The following KCNAB1 variants were observed in gnomAD, a reference collection of about 807,000 sequenced individuals.
The protein encoded by KCNAB1 is potassium voltage-gated channel subfamily A regulatory beta subunit 1, also known as voltage-gated potassium channel subunit beta-1.
KCNAB1 carries 35 observed loss-of-function variants against 64.6 expected under a neutral mutation model. That is an observed-to-expected ratio of 0.54 (90% CI 0.41 to 0.72). The LOEUF is 0.72. KCNAB1 is among the 30% of genes least tolerant of loss of function. KCNAB1 has a pLI of 0.00. For missense variants in KCNAB1, 401 were observed against 512.9 expected, an observed-to-expected ratio of 0.78 and a Z score of 2.11; for synonymous variants, 177 against 183.8, an observed-to-expected ratio of 0.96 and a Z score of 0.30.
rs186830421 is a variant in KCNAB1, at chr3:156,148,585, C to G, written c.275+27699C>G. On this transcript the variant is annotated intron_variant, in intron 1 of 13. Transcript: ENST00000490337. ...TGTAAAATGGGCCTAATTTAACTTA[C>G]TTCACAATGGCATTATAAGAAATCC... Among the ~76,000 whole-genome samples the G allele has an allele frequency of 2.2e-3, 332 of 152,334 alleles. 1 individual carries two copies. The highest frequency in any genetic ancestry group is 7.3e-3 in the African/African-American group (305 of 41,572).
chr3:156,147,405 A>G (rs758585652), intron 1 of KCNAB1, among the ~76,000 whole-genome samples: 2 of 152,228 alleles, frequency 1.3e-5, no homozygotes, highest in African/African-American at 4.8e-5. Context: ...TAATATTACT[A>G]TCATATCAAA....
intron 1 of KCNAB1, among the ~76,000 whole-genome samples, chr3:156,307,108 G>T (rs897503404): frequency 6.6e-6 from 1 of 152,174 alleles, no homozygotes; most frequent in Non-Finnish European, 1.5e-5. Context: ...ACCTAAGTTT[G>T]TGACCTAAGA....
chr3:156,271,273 T>C (rs939856250), intron 1 of KCNAB1, among the ~76,000 whole-genome samples: 8 of 152,192 alleles, frequency 5.3e-5, no homozygotes, highest in African/African-American at 1.9e-4. Flanking sequence ...TAAATACACT[T>C]TCCACCCCTA....
In KCNAB1 at chr3:156,500,358, G is replaced by A. The variant is rs116288387; in HGVS notation, c.659-14006G>A. ...GAAGCACCATGTGACTGCATTTCCA[G>A]TGACATGAGCAGATAAATCTTTTAC... On this transcript the variant is annotated intron_variant, in intron 8 of 13. Coordinates refer to ENST00000490337, the MANE Select transcript of KCNAB1 (RefSeq NM_172160.3). Among the ~76,000 whole-genome samples the A allele has an allele frequency of 3.2e-3, 482 of 152,232 alleles. 2 individuals carry two copies. Among genetic ancestry groups the A allele is most frequent in the African/African-American group, 0.011 (465 of 41,540 alleles).
intron 1 of KCNAB1, among the ~76,000 whole-genome samples, chr3:156,233,830 G>A (rs761545356): frequency 5.3e-5 from 8 of 152,012 alleles, no homozygotes; most frequent in Admixed American, 1.3e-4. Flanking sequence ...TGGCTGCAGC[G>A]TTTGGAACCT....
intron 1 of KCNAB1, among the ~76,000 whole-genome samples, chr3:156,218,786 C>CAAAAAAAAAAAAAAA (rs1228783831): frequency 1.1e-5 from 1 of 92,636 alleles, no homozygotes. Flanking sequence ...CCCAGAACAG[C>CAAAAAAAAAAAAAAA]AAAAAAAAAA....
intron 1 of KCNAB1, among the ~76,000 whole-genome samples, chr3:156,185,698 A>T (rs1283925856): frequency 6.6e-6 from 1 of 152,040 alleles, no homozygotes; most frequent in Non-Finnish European, 1.5e-5. Flanking sequence ...GTTTGTACAG[A>T]TTTCCCTCAG....
chr3:156,489,351 G>T (rs973282011), intron 8 of KCNAB1, among the ~76,000 whole-genome samples: 4 of 152,112 alleles, frequency 2.6e-5, no homozygotes, highest in Non-Finnish European at 5.9e-5. Context: ...ACATCAAAGA[G>T]GAAGAAGGGA....
At chr3:156,497,603 A>G (rs1444975966) in intron 8 of KCNAB1, among the ~76,000 whole-genome samples, 1 of 152,258 alleles carries the variant, frequency 6.6e-6, no homozygotes, top group Non-Finnish European at 1.5e-5. Context: ...AATAAGGATG[A>G]CATTTACACA....
At chr3:156,461,081 T>G (rs1432753357) in intron 5 of KCNAB1, among the ~76,000 whole-genome samples, 1 of 151,844 alleles carries the variant, frequency 6.6e-6, no homozygotes. Flanking sequence ...ACATTCATGT[T>G]CCCACTCAGT....
At chr3:156,315,745 A>G (rs1722232593) in intron 1 of KCNAB1, among the ~76,000 whole-genome samples, 1 of 152,236 alleles carries the variant, frequency 6.6e-6, no homozygotes. Context: ...TATCTATATT[A>G]TCATATTCTC....
At chr3:156,202,747 C>A (rs1300843183) in intron 1 of KCNAB1, among the ~76,000 whole-genome samples, 1 of 151,888 alleles carries the variant, frequency 6.6e-6, no homozygotes, top group African/African-American at 2.4e-5. Context: ...CCTACTGTGC[C>A]AGTGGTATTA....
rs1367780136 is a variant in KCNAB1, at chr3:156,213,489, C to T, written c.275+92603C>T. Reference sequence around the variant, plus strand: ...TTAGCCTGCCAAAGTGCTCAGATTACAGGAATGAGCCACCTTGCTCAGCCT... The same window carrying T: ...TTAGCCTGCCAAAGTGCTCAGATTATAGGAATGAGCCACCTTGCTCAGCCT... On this transcript the variant is annotated intron_variant, in intron 1 of 13. Coordinates refer to ENST00000490337, the MANE Select transcript of KCNAB1 (RefSeq NM_172160.3). Among the ~76,000 whole-genome samples the T allele has an allele frequency of 2.0e-5, 3 of 152,212 alleles. No individual in the cohort carries two copies. In the East Asian group the frequency reaches 5.8e-4, roughly 29 times the overall value.
upstream of KCNAB1, chr3:156,118,342 A>G (rs1713171846): frequency 2.2e-6 from 1 of 455,396 alleles, no homozygotes. Context: ...ATGTTAAGGT[A>G]ATCAGGTTCC....
intron 1 of KCNAB1, among the ~76,000 whole-genome samples, chr3:156,338,302 A>ATTTTTTT (rs1723857966): frequency 5.8e-5 from 1 of 17,298 alleles, no homozygotes; most frequent in Non-Finnish European, 1.2e-4. Context: ...TGGCATTTGC[A>ATTTTTTT]CTTTTTTTTT....
intron 1 of KCNAB1, among the ~76,000 whole-genome samples, chr3:156,179,243 G>C (rs1216147781): frequency 1.3e-5 from 2 of 151,942 alleles, no homozygotes; most frequent in Non-Finnish European, 2.9e-5. Context: ...AAAGATTTAA[G>C]AAAAGGGTTT....
chr3:156,380,929 C>T (rs1712107020), intron 1 of KCNAB1, among the ~76,000 whole-genome samples: 2 of 151,954 alleles, frequency 1.3e-5, no homozygotes, highest in African/African-American at 2.4e-5. Context: ...AAACAAAGAG[C>T]CACTATAATA....
At chr3:156,474,061 A>G (rs542726214) in intron 7 of KCNAB1, among the ~76,000 whole-genome samples, 2 of 152,088 alleles carry the variant, frequency 1.3e-5, no homozygotes, top group East Asian at 1.9e-4. Flanking sequence ...TCTCTCCTTC[A>G]TATTACGTCT....
intron 1 of KCNAB1, among the ~76,000 whole-genome samples, chr3:156,323,135 T>C (rs1722775003): frequency 6.6e-6 from 1 of 152,194 alleles, no homozygotes; most frequent in Non-Finnish European, 1.5e-5. Context: ...GACTCCTAAA[T>C]TCTTCTTAAT....
Sources: gnomAD v4.1 joint callset for allele counts (sites outside exome capture counted in the v4.1 genomes callset) on GRCh38, gnomAD v4.1.1 for gene constraint, MANE v1.5 for transcripts, NCBI Gene and HGNC (gene_info 2026-07-23, HGNC 2026-07-21) for gene names.